DDX54: variants seen among roughly 807,000 people sequenced by gnomAD.
The protein encoded by DDX54 is ATP-dependent RNA helicase DDX54.
A neutral mutation model predicts 105.5 loss-of-function variants in DDX54; 67 were observed. The observed-to-expected ratio is 0.64, with a 90% confidence interval of 0.52 to 0.78. The LOEUF (loss-of-function observed/expected upper bound fraction) is 0.78. Ranked by LOEUF, DDX54 falls within the 30% of genes least tolerant of loss-of-function variation. DDX54 has a pLI of 0.00. For missense variants in DDX54, 1,206 were observed against 1,230.5 expected (o/e 0.98, Z 0.30); for synonymous variants, 514 against 509.9 (o/e 1.01, Z -0.11).
chr12:113,177,209 T>TCAG, intron 5 of DDX54, 116 bp from the exon 6 acceptor site: 1 of 1,284,054 alleles, frequency 7.8e-7, no homozygotes, highest in Non-Finnish European at 1.1e-6. Context: ...GACCCAAGGC[T>TCAG]TGGAACTGAG....
intron 7 of DDX54, 146 bp downstream of exon 7, chr12:113,176,694 G>A: frequency 1.3e-6 from 1 of 754,234 alleles, no homozygotes; most frequent in Non-Finnish European, 2.1e-6. Flanking sequence ...CCGCTTATGA[G>A]GAGGTCTGCA....
intron 1 of DDX54, among the ~76,000 whole-genome samples, chr12:113,181,474 A>AT (rs1952466908): frequency 6.7e-6 from 1 of 148,510 alleles, no homozygotes; most frequent in Admixed American, 6.7e-5. Flanking sequence ...TTTATTTTGT[A>AT]TTTATTTTTT....
chr12:113,179,154 A>G lies in DDX54; in HGVS notation c.553T>C (p.Phe185Leu). The G allele has an allele frequency of 6.2e-7, 1 of 1,613,880 alleles. No homozygotes were observed. Residue 185 changes from phenylalanine to leucine, a missense_variant, in exon 4 of 20, where the codon TTC becomes CTC. Coordinates refer to ENST00000306014, the MANE Select transcript of DDX54 (RefSeq NM_024072.4). Reference sequence around the variant, plus strand: ...AAGCTCAGACACACCTCCTTAGTGAACTTCAGGGTCTGCAGGGCCAGCTCT... The same window carrying G: ...AAGCTCAGACACACCTCCTTAGTGAGCTTCAGGGTCTGCAGGGCCAGCTCT... ...TRELALQTLKFTKELGKFTGL... is the reference protein window; with the variant it reads ...TRELALQTLKLTKELGKFTGL...
chr12:113,161,399 A>G lies in DDX54; in HGVS notation c.2301-17T>C, dbSNP rs766827570. On this transcript the variant is annotated splice_polypyrimidine_tract_variant and intron_variant, in intron 18 of 19. Transcript: ENST00000306014. ...TTCTGATAGCTGGGAAACCTCGTTA[A>G]GGAAGCTGCGTGAAGCCCCTGGGAT... is the stretch of plus-strand genomic sequence containing the variant. 141 of 1,603,276 alleles carry G rather than the reference A, an allele frequency of 8.8e-5. No individual in the cohort carries two copies. Among genetic ancestry groups the G allele is most frequent in the Non-Finnish European group, 1.1e-4 (131 of 1,172,980 alleles).
Position 113,181,383 on chromosome 12 carries a change from C to G in DDX54, c.175-325G>C, listed in dbSNP as rs553030365. ...GCATGGCTCACTGCAGCCTTGAACT[C>G]CTAGGCTCAAGTGAGTCTCCCACCT... is the stretch of plus-strand genomic sequence containing the variant. On this transcript the variant is annotated intron_variant, in intron 1 of 19. Coordinates refer to ENST00000306014, the MANE Select transcript of DDX54 (RefSeq NM_024072.4). Among the ~76,000 whole-genome samples the G allele has an allele frequency of 2.0e-5, 3 of 152,036 alleles. No homozygotes were observed. The South Asian group carries it at 6.2e-4, about 32-fold the overall frequency.
chr12:113,169,948 C>T lies in DDX54; in HGVS notation c.1280-44G>A, dbSNP rs778468946. On this transcript the variant is annotated intron_variant, in intron 11 of 19. Coordinates refer to ENST00000306014, the MANE Select transcript of DDX54 (RefSeq NM_024072.4). ...CAAGCTTAATTAAGCAAAGAAGGACCCGGACCCAGCATGAGTTCCACAGGC... is the reference window on the plus strand; with the variant it reads ...CAAGCTTAATTAAGCAAAGAAGGACTCGGACCCAGCATGAGTTCCACAGGC... 4 of 1,607,442 alleles carry T rather than the reference C, an allele frequency of 2.5e-6. No homozygotes were observed. In the African/African-American group the frequency reaches 5.3e-5, roughly 21 times the overall value.
rs1952156637 is a variant in DDX54, at chr12:113,158,094, C to T, written c.*783G>A. On this transcript the variant is annotated 3_prime_UTR_variant, in exon 20 of 20. Coordinates refer to ENST00000306014, the MANE Select transcript of DDX54 (RefSeq NM_024072.4). The surrounding 1 kb of genome is among the most constrained non-coding windows in gnomAD (Gnocchi z 4.9). ...GGGGCCCAGCCTGAGAATCCAGCTG[C>T]TGGGGCTGCCCTTGACCTTCTCAGA... The T allele has an allele frequency of 5.2e-6, 1 of 191,104 alleles. No homozygotes were observed. The highest frequency in any genetic ancestry group is 1.1e-5 in the Non-Finnish European group (1 of 91,138). 11.8% of individuals were successfully genotyped at this position (191,104 alleles called of 1,614,324 possible).
Position 113,159,052 on chromosome 12 carries a change from T to C in DDX54, c.2471A>G (p.Lys824Arg). Residue 824 changes from lysine to arginine, a missense_variant, in exon 20 of 20, where the codon AAG (lysine) becomes AGG (arginine). By Grantham distance (26) the Lys-to-Arg change is conservative (BLOSUM62 2). Transcript: ENST00000306014. ...TPAGRVRPEL[K>R]TKQQILKQRR... Reference sequence around the variant, plus strand: ...CTGCTTCAGGATCTGCTGCTTGGTCTTGAGTTCCGGGCGGACTCGGCCTGC... The same window carrying C: ...CTGCTTCAGGATCTGCTGCTTGGTCCTGAGTTCCGGGCGGACTCGGCCTGC... 6.2e-7 allele frequency: 1 copy of C among 1,610,944 alleles called. No individual in the cohort carries two copies. The highest frequency in any genetic ancestry group is 8.5e-7 in the Non-Finnish European group (1 of 1,178,972).
At chr12:113,184,126 A>G (rs1952497232) in intron 1 of DDX54, among the ~76,000 whole-genome samples, 1 of 151,908 alleles carries the variant, frequency 6.6e-6, no homozygotes, top group Non-Finnish European at 1.5e-5. Context: ...TTGTATTTTT[A>G]GTAGAGACAG....
intron 5 of DDX54, 81 bp downstream of exon 5, chr12:113,178,896 G>T: frequency 1.3e-6 from 2 of 1,547,650 alleles, no homozygotes; most frequent in Admixed American, 1.8e-5. Context: ...AAGCAACACA[G>T]CTTAAATCGA....
rs7959492 is a variant in DDX54, at chr12:113,165,725, G to A, written c.1646-8C>T. On this transcript the variant is annotated splice_region_variant and splice_polypyrimidine_tract_variant and intron_variant, in intron 13 of 19. Transcript: ENST00000306014. Reference sequence around the variant, plus strand: ...CCTCCTCAAAACGCGAGCCTGGTAGGAAAGCAGCAAGGTGTGAGGCTGTGG... The same window carrying A: ...CCTCCTCAAAACGCGAGCCTGGTAGAAAAGCAGCAAGGTGTGAGGCTGTGG... 9.9e-6 allele frequency: 16 copies of A among 1,612,678 alleles called. No homozygotes were observed. The African/African-American group carries it at 2.1e-4, about 22-fold the overall frequency.
Position 113,157,772 on chromosome 12 carries a change from C to T in DDX54, c.*1105G>A. 1 of 1,023,662 alleles carries T rather than the reference C, an allele frequency of 9.8e-7. No individual in the cohort carries two copies. The highest frequency in any genetic ancestry group is 1.5e-6 in the Non-Finnish European group (1 of 679,242). The allele number at this position is 1,023,662 out of a possible 1,614,324, so 63.4% of individuals were successfully genotyped here. On this transcript the variant is annotated 3_prime_UTR_variant, in exon 20 of 20. Coordinates refer to ENST00000306014, the MANE Select transcript of DDX54 (RefSeq NM_024072.4). ...CCAATGGGGTGTGGACTGAGTGGCT[C>T]TTCCTGAATCCGTTTCCTCATTGGG...
intron 19 of DDX54, among the ~76,000 whole-genome samples, chr12:113,160,057 G>T (rs143657972): frequency 6.6e-6 from 1 of 152,274 alleles, no homozygotes; most frequent in African/African-American, 2.4e-5. Context: ...GCCCCTGCAC[G>T]CCCACTGCAC....
In DDX54 at chr12:113,174,741, TGG is replaced by T; in HGVS notation, c.965_966del (p.Thr322LysfsTer34). ...AGCAGGTGGAGCAGCACGGCAGCCT[TGG>T]TGTCCTCCCGCACGAGGAAGAAGGA... ...KTSFFLVRED[T>X]KAAVLLHLLH... On this transcript the variant is annotated frameshift_variant, in exon 10 of 20. Coordinates refer to ENST00000306014, the MANE Select transcript of DDX54 (RefSeq NM_024072.4). LOFTEE classifies it high-confidence loss of function. 1 of 1,610,482 alleles carries T rather than the reference TGG, an allele frequency of 6.2e-7. No individual in the cohort carries two copies. Among genetic ancestry groups the T allele is most frequent in the Non-Finnish European group, 8.5e-7 (1 of 1,176,924 alleles).
intron 1 of DDX54, 23 bp from the exon 2 acceptor site, chr12:113,181,081 T>A (rs904043618): frequency 2.6e-5 from 41 of 1,605,684 alleles, no homozygotes; most frequent in Non-Finnish European, 3.4e-5. Flanking sequence ...GACAGAGAGG[T>A]GGTGTCACTC....
intron 10 of DDX54, 98 bp from the exon 11 acceptor site, chr12:113,172,661 G>T: frequency 1.4e-6 from 2 of 1,436,088 alleles, no homozygotes; most frequent in Non-Finnish European, 1.9e-6. Flanking sequence ...GAGGTGCAGA[G>T]ACAAGACCAC....
In DDX54 at chr12:113,172,407, T is replaced by A; in HGVS notation, c.1225A>T (p.Asn409Tyr). The change falls in exon 11 of 20, where the codon AAT becomes TAT. Residue 409 changes from asparagine to tyrosine, a missense_variant. Transcript: ENST00000306014. ...GCGGGGAAGCTGTAGTTGATGACAT[T>A]GTCCAGCAGCGGGATGTCCAGGCCT... is the stretch of plus-strand genomic sequence containing the variant. Reference protein sequence around the residue: ...ARGLDIPLLDNVINYSFPAKG... With the variant: ...ARGLDIPLLDYVINYSFPAKG... 1 of 1,614,204 alleles carries A rather than the reference T, an allele frequency of 6.2e-7. No individual in the cohort carries two copies. The highest frequency in any genetic ancestry group is 8.5e-7 in the Non-Finnish European group (1 of 1,180,038).
intron 11 of DDX54, 64 bp from the exon 12 acceptor site, chr12:113,169,968 A>G: frequency 6.3e-7 from 1 of 1,593,914 alleles, no homozygotes; most frequent in Non-Finnish European, 8.5e-7. Flanking sequence ...CATGAGTTCC[A>G]CAGGCCAGAC....
In DDX54 at chr12:113,163,267, A is replaced by G; in HGVS notation, c.1946T>C (p.Phe649Ser). Residue 649 changes from phenylalanine (F) to serine (S), a missense_variant, in exon 16 of 20, where the codon TTC becomes TCC. Coordinates refer to ENST00000306014, the MANE Select transcript of DDX54 (RefSeq NM_024072.4). This position sits in a 1 kb window ranked among gnomAD's most constrained non-coding sequence, Gnocchi z 5.9. ...CCGCTTCCGGCCCACGACCTCTGAG[A>G]AAATGTCCTGGCAGAGCACAGACCA... ...EEAGESVEDI[F>S]SEVVGRKRQR... 6.2e-7 allele frequency: 1 copy of G among 1,608,846 alleles called. No individual in the cohort carries two copies. Among genetic ancestry groups the G allele is most frequent in the Non-Finnish European group, 8.5e-7 (1 of 1,179,856 alleles).
Sources: gnomAD v4.1 joint callset for allele counts (sites outside exome capture counted in the v4.1 genomes callset) on GRCh38, gnomAD v4.1.1 for gene constraint, Gnocchi (gnomAD v3.1) non-coding constraint, MANE v1.5 for transcripts, NCBI Gene and HGNC (gene_info 2026-07-23, HGNC 2026-07-21) for gene names.